Variants in H2AC13 observed in about 807,000 individuals in gnomAD.
The protein encoded by H2AC13 is H2A clustered histone 13.
H2AC13 carries 3 observed loss-of-function variants against 5.9 expected under a neutral mutation model. That is an observed-to-expected ratio of 0.50 (90% confidence interval 0.23 to 1.30). The LOEUF (loss-of-function observed/expected upper bound fraction) is 1.30. Among genes scored for constraint, H2AC13 ranks in the 50% most tolerant of loss-of-function variants. H2AC13 has a pLI of 0.18. For synonymous variants in H2AC13, 96 were observed against 82.4 expected (o/e 1.17, Z -0.90); for missense variants, 123 against 179.1 (o/e 0.69, Z 1.79).
rs1760499617 is a variant in H2AC13 at position 27,808,664 on chromosome 6, C to T, written c.*62C>T. ...GAACCAAAGGCTCTTTTCAGAGCCA[C>T]CTACAATTTTGTGGAAGAACTGAGC... On this transcript the variant is annotated 3_prime_UTR_variant, in exon 1 of 1. Coordinates refer to ENST00000358739, the MANE Select transcript of H2AC13 (RefSeq NM_003509.3). The T allele has an allele frequency of 7.8e-6, 12 of 1,547,232 alleles. No homozygotes were observed. The South Asian group carries it at 8.7e-5, about 11-fold the overall frequency.
At position 27,808,418 on chromosome 6, in the gene H2AC13, C is replaced by T. The variant is rs1250717018; in HGVS notation, c.209C>T (p.Ala70Val). 3.1e-6 allele frequency: 5 copies of T among 1,610,170 alleles called. No individual in the cohort carries two copies. The highest frequency in any genetic ancestry group is 4.2e-6 in the Non-Finnish European group (5 of 1,177,214). ...TAEILELAGN[A>V]ARDNKKTRII... Reference sequence around the variant, plus strand: ...GAGATCCTGGAGCTGGCTGGCAACGCGGCCCGCGACAACAAGAAGACTCGC... The same window carrying T: ...GAGATCCTGGAGCTGGCTGGCAACGTGGCCCGCGACAACAAGAAGACTCGC... Residue 70 changes from alanine (A) to valine (V), a missense_variant, in exon 1 of 1, where the codon GCG becomes GTG. Transcript: ENST00000358739.
In H2AC13 at chr6:27,808,266, T is replaced by G; in HGVS notation, c.57T>G (p.Ser19=). 6.4e-7 allele frequency: 1 copy of G among 1,567,570 alleles called. No individual in the cohort carries two copies. The highest frequency in any genetic ancestry group is 8.6e-7 in the Non-Finnish European group (1 of 1,160,296). ...CTCGCGCCAAGGCCAAGACCCGCTC[T>G]TCTCGGGCCGGGCTTCAGTTTCCCG... is the stretch of plus-strand genomic sequence containing the variant. ...GKARAKAKTR[S]SRAGLQFPVG... Residue 19 remains serine, a synonymous_variant, in exon 1 of 1, where the codon TCT becomes TCG. Transcript: ENST00000358739.
In H2AC13 at chr6:27,808,304, A is replaced by C. The variant is rs1250621656; in HGVS notation, c.95A>C (p.His32Pro). 1 of 1,557,270 alleles carries C rather than the reference A, an allele frequency of 6.4e-7. No individual in the cohort carries two copies. The highest frequency in any genetic ancestry group is 1.4e-5 in the African/African-American group (1 of 73,164). ...CTTCAGTTTCCCGTAGGCCGAGTGC[A>C]TCGCCTGCTCCGCAAAGGCAACTAT... Reference protein sequence around the residue: ...AGLQFPVGRVHRLLRKGNYAE... With the variant: ...AGLQFPVGRVPRLLRKGNYAE... The change falls in exon 1 of 1, where the codon CAT becomes CCT. Residue 32 changes from histidine (H) to proline (P), a missense_variant. By Grantham distance (77) the His-to-Pro change is moderately conservative. Around this residue, in one of 3 missense-constraint regions of H2AC13, gnomAD observed 72 missense variants for 134.3 expected, o/e 0.54. Coordinates refer to ENST00000358739, the MANE Select transcript of H2AC13 (RefSeq NM_003509.3).
Position 27,808,490 on chromosome 6 carries a change from T to C in H2AC13, c.281T>C (p.Leu94Pro). The C allele has an allele frequency of 6.2e-7, 1 of 1,613,954 alleles. No homozygotes were observed. Among genetic ancestry groups the C allele is most frequent in the Non-Finnish European group, 8.5e-7 (1 of 1,179,970 alleles). Residue 94 changes from leucine (L) to proline (P), a missense_variant, in exon 1 of 1, where the codon CTC becomes CCC. By Grantham distance (98) the Leu-to-Pro change is moderately conservative. This residue lies in a region of H2AC13 where 72 missense variants were observed against 134.3 expected (regional missense o/e 0.54). Coordinates refer to ENST00000358739, the MANE Select transcript of H2AC13 (RefSeq NM_003509.3). ...LQLAIRNDEELNKLLGKVTIA... is the reference protein window; with the variant it reads ...LQLAIRNDEEPNKLLGKVTIA... ...CTGGCCATCCGCAACGATGAGGAGC[T>C]CAACAAGCTTCTGGGCAAAGTCACC...
At position 27,808,442 on chromosome 6, in the gene H2AC13, G is replaced by C. The variant is rs1047249187; in HGVS notation, c.233G>C (p.Arg78Pro). Residue 78 changes from arginine to proline, a missense_variant, in exon 1 of 1, where the codon CGC becomes CCC. Arg to Pro is a moderately radical substitution (Grantham distance 103, BLOSUM62 -2). This residue lies in a region of H2AC13 where 72 missense variants were observed against 134.3 expected (regional missense o/e 0.54). Transcript: ENST00000358739. ...GCGGCCCGCGACAACAAGAAGACTC[G>C]CATCATCCCGCGTCACCTCCAGCTG... ...GNAARDNKKT[R>P]IIPRHLQLAI... The C allele has an allele frequency of 1.9e-6, 3 of 1,612,750 alleles. No individual in the cohort carries two copies. The African/African-American group carries it at 4.0e-5, about 22-fold the overall frequency.
At position 27,808,198 on chromosome 6, in the gene H2AC13, A is replaced by C; in HGVS notation, c.-12A>C. 6.4e-7 allele frequency: 1 copy of C among 1,562,624 alleles called. No homozygotes were observed. The highest frequency in any genetic ancestry group is 1.2e-5 in the South Asian group (1 of 82,196). On this transcript the variant is annotated 5_prime_UTR_variant, in exon 1 of 1. Transcript: ENST00000358739. Reference sequence around the variant, plus strand: ...AGTCTTTCTTGACCGTATAGATAATAGGCCTTTTGCCATGTCTGGGCGTGG... The same window carrying C: ...AGTCTTTCTTGACCGTATAGATAATCGGCCTTTTGCCATGTCTGGGCGTGG...
At position 27,808,221 on chromosome 6, in the gene H2AC13, T is replaced by G. The variant is rs1433960526; in HGVS notation, c.12T>G (p.Arg4=). 1.9e-6 allele frequency: 3 copies of G among 1,583,232 alleles called. No individual in the cohort carries two copies. The African/African-American group carries it at 4.1e-5, about 21-fold the overall frequency. The stretch of plus-strand genomic sequence containing the variant: ...ATAGGCCTTTTGCCATGTCTGGGCG[T>G]GGCAAGCAGGGAGGCAAAGCTCGCG... MSG[R]GKQGGKARAK... The change falls in exon 1 of 1, where the codon CGT becomes CGG. Residue 4 remains arginine, a synonymous_variant. Transcript: ENST00000358739.
rs1581456405 is a variant in H2AC13 at position 27,808,194 on chromosome 6, T to C, written c.-16T>C. 3.8e-6 allele frequency: 6 copies of C among 1,560,674 alleles called. No homozygotes were observed. The highest frequency in any genetic ancestry group is 2.2e-5 in the East Asian group (1 of 44,546). On this transcript the variant is annotated 5_prime_UTR_variant, in exon 1 of 1. Transcript: ENST00000358739. ...CTTCAGTCTTTCTTGACCGTATAGA[T>C]AATAGGCCTTTTGCCATGTCTGGGC... is the stretch of plus-strand genomic sequence containing the variant.
chr6:27,808,476 C>A lies in H2AC13; in HGVS notation c.267C>A (p.Arg89=). The A allele has an allele frequency of 6.2e-7, 1 of 1,613,892 alleles. No homozygotes were observed. The highest frequency in any genetic ancestry group is 8.5e-7 in the Non-Finnish European group (1 of 1,179,866). ...CGCGTCACCTCCAGCTGGCCATCCGCAACGATGAGGAGCTCAACAAGCTTC... is the reference window on the plus strand; with the variant it reads ...CGCGTCACCTCCAGCTGGCCATCCGAAACGATGAGGAGCTCAACAAGCTTC... ...IIPRHLQLAI[R]NDEELNKLLG... The change falls in exon 1 of 1, where the codon CGC becomes CGA. Residue 89 remains arginine, a synonymous_variant. Transcript: ENST00000358739.
Position 27,808,501 on chromosome 6 carries a change from C to T in H2AC13, c.292C>T (p.Leu98=), listed in dbSNP as rs1760494429. The stretch of plus-strand genomic sequence containing the variant: ...CAACGATGAGGAGCTCAACAAGCTT[C>T]TGGGCAAAGTCACCATCGCACAGGG... ...IRNDEELNKL[L]GKVTIAQGGV... is the part of the protein sequence containing the mutation. The change falls in exon 1 of 1, where the codon CTG becomes TTG. Residue 98 remains leucine (L), a synonymous_variant. Transcript: ENST00000358739. 6.2e-7 allele frequency: 1 copy of T among 1,614,210 alleles called. No individual in the cohort carries two copies. The highest frequency in any genetic ancestry group is 8.5e-7 in the Non-Finnish European group (1 of 1,180,016).
chr6:27,808,401 G>T lies in H2AC13; in HGVS notation c.192G>T (p.Leu64=), dbSNP rs1337668510. 1 of 1,609,264 alleles carries T rather than the reference G, an allele frequency of 6.2e-7. No individual in the cohort carries two copies. Among genetic ancestry groups the T allele is most frequent in the Non-Finnish European group, 8.5e-7 (1 of 1,176,520 alleles). ...TGGAGTACCTGACCGCCGAGATCCTGGAGCTGGCTGGCAACGCGGCCCGCG... is the reference window on the plus strand; with the variant it reads ...TGGAGTACCTGACCGCCGAGATCCTTGAGCTGGCTGGCAACGCGGCCCGCG... ...AVLEYLTAEI[L]ELAGNAARDN... Residue 64 remains leucine (L), a synonymous_variant, in exon 1 of 1, where the codon CTG becomes CTT. Coordinates refer to ENST00000358739, the MANE Select transcript of H2AC13 (RefSeq NM_003509.3).
In H2AC13 at chr6:27,808,178, T is replaced by C. The variant is rs781712221; in HGVS notation, c.-32T>C. On this transcript the variant is annotated 5_prime_UTR_variant, in exon 1 of 1. Coordinates refer to ENST00000358739, the MANE Select transcript of H2AC13 (RefSeq NM_003509.3). ...CGTTTTTCTAGTTTCACTTCAGTCT[T>C]TCTTGACCGTATAGATAATAGGCCT... The C allele has an allele frequency of 5.9e-6, 9 of 1,536,854 alleles. No homozygotes were observed. The highest frequency in any genetic ancestry group is 7.0e-6 in the Non-Finnish European group (8 of 1,146,924).
chr6:27,808,458 C>T lies in H2AC13; in HGVS notation c.249C>T (p.His83=), dbSNP rs200985674. ...DNKKTRIIPR[H]LQLAIRNDEE... is the part of the protein sequence containing the mutation. ...AGAAGACTCGCATCATCCCGCGTCA[C>T]CTCCAGCTGGCCATCCGCAACGATG... The change falls in exon 1 of 1, where the codon CAC becomes CAT. Residue 83 remains histidine, a synonymous_variant. Coordinates refer to ENST00000358739, the MANE Select transcript of H2AC13 (RefSeq NM_003509.3). The T allele has an allele frequency of 2.4e-5, 38 of 1,613,594 alleles. No individual in the cohort carries two copies. The Middle Eastern group carries it at 1.2e-3, about 49-fold the overall frequency.
Position 27,808,619 on chromosome 6 carries a change from G to A in H2AC13, c.*17G>A, listed in dbSNP as rs1760498440. 1 of 1,602,644 alleles carries A rather than the reference G, an allele frequency of 6.2e-7. No individual in the cohort carries two copies. On this transcript the variant is annotated 3_prime_UTR_variant, in exon 1 of 1. Coordinates refer to ENST00000358739, the MANE Select transcript of H2AC13 (RefSeq NM_003509.3). Reference sequence around the variant, plus strand: ...GGCAAGTAGAAGCCTGGATTAGTTTGCAGCAACTCAATCCCAAAGGAACCA... The same window carrying A: ...GGCAAGTAGAAGCCTGGATTAGTTTACAGCAACTCAATCCCAAAGGAACCA...
chr6:27,808,467 G>A lies in H2AC13; in HGVS notation c.258G>A (p.Leu86=). ...GCATCATCCCGCGTCACCTCCAGCT[G>A]GCCATCCGCAACGATGAGGAGCTCA... ...KTRIIPRHLQ[L]AIRNDEELNK... Residue 86 remains leucine, a synonymous_variant, in exon 1 of 1, where the codon CTG becomes CTA. Coordinates refer to ENST00000358739, the MANE Select transcript of H2AC13 (RefSeq NM_003509.3). The A allele has an allele frequency of 6.2e-7, 1 of 1,613,758 alleles. No individual in the cohort carries two copies. The highest frequency in any genetic ancestry group is 1.3e-5 in the African/African-American group (1 of 75,006).
chr6:27,808,296 C>T lies in H2AC13; in HGVS notation c.87C>T (p.Gly29=), dbSNP rs1350421058. 5.1e-6 allele frequency: 8 copies of T among 1,554,262 alleles called. No homozygotes were observed. Among genetic ancestry groups the T allele is most frequent in the Non-Finnish European group, 6.9e-6 (8 of 1,152,598 alleles). ...GGGCCGGGCTTCAGTTTCCCGTAGG[C>T]CGAGTGCATCGCCTGCTCCGCAAAG... ...SSRAGLQFPV[G]RVHRLLRKGN... The change falls in exon 1 of 1, where the codon GGC becomes GGT. Residue 29 remains glycine (G), a synonymous_variant. Coordinates refer to ENST00000358739, the MANE Select transcript of H2AC13 (RefSeq NM_003509.3).
rs1561922886 is a variant in H2AC13 at position 27,808,187 on chromosome 6, G to GTA, written c.-20_-19dup. 6.5e-7 allele frequency: 1 copy of GTA among 1,547,910 alleles called. No individual in the cohort carries two copies. Among genetic ancestry groups the GTA allele is most frequent in the Non-Finnish European group, 8.7e-7 (1 of 1,151,500 alleles). ...AGTTTCACTTCAGTCTTTCTTGACC[G>GTA]TATAGATAATAGGCCTTTTGCCATG... is the stretch of plus-strand genomic sequence containing the variant. On this transcript the variant is annotated 5_prime_UTR_variant, in exon 1 of 1. Coordinates refer to ENST00000358739, the MANE Select transcript of H2AC13 (RefSeq NM_003509.3).
Position 27,808,651 on chromosome 6 carries a change from C to T in H2AC13, c.*49C>T. ...CTCAATCCCAAAGGAACCAAAGGCT[C>T]TTTTCAGAGCCACCTACAATTTTGT... On this transcript the variant is annotated 3_prime_UTR_variant, in exon 1 of 1. Coordinates refer to ENST00000358739, the MANE Select transcript of H2AC13 (RefSeq NM_003509.3). 6.4e-7 allele frequency: 1 copy of T among 1,563,530 alleles called. No individual in the cohort carries two copies. Among genetic ancestry groups the T allele is most frequent in the Non-Finnish European group, 8.6e-7 (1 of 1,157,388 alleles).
chr6:27,808,340 T>TCGGTGCTGGAGCGCCGGTGTACCTGGCGG lies in H2AC13; in HGVS notation c.143_171dup (p.Tyr58ArgfsTer12), dbSNP rs539739263. ...CGCAAAGGCAACTATGCGGAGCGGG[T>TCGGTGCTGGAGCGCCGGTGTACCTGGCGG]CGGTGCTGGAGCGCCGGTGTACCTG... On this transcript the variant is annotated frameshift_variant, in exon 1 of 1. Transcript: ENST00000358739. LOFTEE classifies it high-confidence loss of function. 21 of 1,591,024 alleles carry TCGGTGCTGGAGCGCCGGTGTACCTGGCGG rather than the reference T, an allele frequency of 1.3e-5. No individual in the cohort carries two copies. Among genetic ancestry groups the TCGGTGCTGGAGCGCCGGTGTACCTGGCGG allele is most frequent in the Non-Finnish European group, 1.8e-5 (21 of 1,166,444 alleles).
Sources: gnomAD v4.1 joint callset for allele counts on GRCh38, gnomAD v4.1.1 for gene constraint, gnomAD v4.1.1 regional missense constraint, MANE v1.5 for transcripts, NCBI Gene and HGNC (gene_info 2026-07-23, HGNC 2026-07-21) for gene names.